Variants in RBMS3 observed in about 807,000 individuals in gnomAD.
RBMS3 encodes the protein RNA binding motif single stranded interacting protein 3, also known as RNA-binding motif, single-stranded-interacting protein 3.
A neutral mutation model predicts 66.8 loss-of-function variants in RBMS3; 27 were observed. The observed-to-expected ratio is 0.40, with a 90% CI of 0.30 to 0.56. The LOEUF is 0.56. RBMS3 is among the 20% of genes least tolerant of loss of function. The probability of loss-of-function intolerance (pLI) is 0.40; values close to 1 mark genes in which losing one functional copy is unlikely to be tolerated. For synonymous variants in RBMS3, 188 were observed against 183.0 expected, an observed-to-expected ratio of 1.03 and a Z score of -0.22; for missense variants, 513 against 549.5, an observed-to-expected ratio of 0.93 and a Z score of 0.66.
At chr3:29,402,437 T>C (rs1010061402) in intron 1 of RBMS3, among the ~76,000 whole-genome samples, 8 of 152,028 alleles carry the variant, frequency 5.3e-5, no homozygotes, top group Non-Finnish European at 1.0e-4. Context: ...AAACATTTCT[T>C]GAATGAACAG....
chr3:29,936,016 A>T, intron 10 of RBMS3, 70 bp from the exon 11 acceptor site: 14 of 1,224,810 alleles, frequency 1.1e-5, no homozygotes, highest in Non-Finnish European at 1.6e-5. Context: ...TACAATTTAC[A>T]GTGTTTATTT....
At chr3:29,313,515 A>G (rs1003797562) in intron 1 of RBMS3, among the ~76,000 whole-genome samples, 4 of 151,674 alleles carry the variant, frequency 2.6e-5, no homozygotes, top group African/African-American at 9.7e-5. Context: ...ACTGGAGTCT[A>G]TGGTGACATG....
intron 6 of RBMS3, among the ~76,000 whole-genome samples, chr3:29,853,979 G>A (rs564800735): frequency 2.0e-5 from 3 of 152,286 alleles, no homozygotes; most frequent in African/African-American, 7.2e-5. Flanking sequence ...AGACACTTAT[G>A]AGTCACTCCT....
intron 1 of RBMS3, among the ~76,000 whole-genome samples, chr3:29,405,027 C>T (rs1038519988): frequency 5.3e-5 from 8 of 152,044 alleles, no homozygotes; most frequent in African/African-American, 1.9e-4. Flanking sequence ...TTAAAAACCA[C>T]AATAACCATG....
At chr3:29,818,679 C>A (rs1175746106) in intron 6 of RBMS3, among the ~76,000 whole-genome samples, 1 of 152,102 alleles carries the variant, frequency 6.6e-6, no homozygotes, top group Non-Finnish European at 1.5e-5. Flanking sequence ...ATTTATTAGT[C>A]AACCAACATA....
intron 12 of RBMS3, among the ~76,000 whole-genome samples, chr3:29,979,726 G>A (rs1324088271): frequency 6.6e-6 from 1 of 152,110 alleles, no homozygotes; most frequent in East Asian, 1.9e-4. Flanking sequence ...TGAGAATGAT[G>A]GTTTCCAGCT....
At chr3:29,596,948 T>C (rs910097868) in intron 4 of RBMS3, among the ~76,000 whole-genome samples, 2 of 152,202 alleles carry the variant, frequency 1.3e-5, no homozygotes, top group Non-Finnish European at 2.9e-5. Flanking sequence ...TTTAATTCAC[T>C]ATCCTAATGA....
At chr3:29,480,666 G>T (rs1366046940) in intron 2 of RBMS3, among the ~76,000 whole-genome samples, 1 of 152,154 alleles carries the variant, frequency 6.6e-6, no homozygotes, top group Non-Finnish European at 1.5e-5. Context: ...GCAGAAACTG[G>T]ATAATACAAA....
At chr3:29,524,779 T>C (rs1576114008) in intron 3 of RBMS3, among the ~76,000 whole-genome samples, 1 of 151,598 alleles carries the variant, frequency 6.6e-6, no homozygotes, top group Non-Finnish European at 1.5e-5. Context: ...AGAGGCTGGG[T>C]GTGGTGGTTA....
At chr3:29,758,710 A>G (rs2055532839) in intron 5 of RBMS3, among the ~76,000 whole-genome samples, 1 of 152,192 alleles carries the variant, frequency 6.6e-6, no homozygotes, top group African/African-American at 2.4e-5. Flanking sequence ...GGAACTCACT[A>G]TTTTATTCCT....
Position 29,434,786 on chromosome 3 carries a change from C to T in RBMS3, c.119C>T (p.Pro40Leu), listed in dbSNP as rs373300306. The T allele has an allele frequency of 1.2e-4, 188 of 1,613,964 alleles. No individual in the cohort carries two copies. The highest frequency in any genetic ancestry group is 3.3e-4 in the Admixed American group (20 of 59,992). Residue 40 changes from proline (P) to leucine (L), a missense_variant, in exon 2 of 15, where the codon CCC (proline) becomes CTC (leucine). Physicochemically the swap from Pro to Leu is moderately conservative, Grantham distance 98 (BLOSUM62 -3). Transcript: ENST00000383767. ...PAPHPMAPPS[P>L]STNSSSNNSS... ...CCCCACCCCATGGCTCCTCCCAGCCCCAGCACAAACAGCAGCAGCAACAAC... is the reference window on the plus strand; with the variant it reads ...CCCCACCCCATGGCTCCTCCCAGCCTCAGCACAAACAGCAGCAGCAACAAC...
chr3:29,327,681 G>T (rs2035419192), intron 1 of RBMS3, among the ~76,000 whole-genome samples: 1 of 152,186 alleles, frequency 6.6e-6, no homozygotes, highest in African/African-American at 2.4e-5. Flanking sequence ...GTGTGTTCTT[G>T]TGTATTGCAC....
intron 5 of RBMS3, among the ~76,000 whole-genome samples, chr3:29,756,589 C>T (rs1244022422): frequency 2.0e-5 from 3 of 151,970 alleles, no homozygotes; most frequent in Admixed American, 6.6e-5. Context: ...CCCCATGATT[C>T]GATTACCTGC....
At chr3:29,297,078 C>G (rs531053916) in intron 1 of RBMS3, among the ~76,000 whole-genome samples, 1 of 151,784 alleles carries the variant, frequency 6.6e-6, no homozygotes, top group African/African-American at 2.4e-5. Flanking sequence ...GGTGAAAGGA[C>G]TCTGAGTGTG....
intron 1 of RBMS3, among the ~76,000 whole-genome samples, chr3:29,431,646 T>C (rs999804346): frequency 6.6e-6 from 1 of 152,152 alleles, no homozygotes; most frequent in Non-Finnish European, 1.5e-5. Context: ...GCTCCTGTCA[T>C]GTCTATTCTT....
chr3:29,533,850 T>C (rs2045455209), intron 3 of RBMS3, among the ~76,000 whole-genome samples: 1 of 152,180 alleles, frequency 6.6e-6, no homozygotes, highest in Non-Finnish European at 1.5e-5. Flanking sequence ...TTTAAGAAAA[T>C]CTATTTCTAA....
chr3:29,783,864 C>T (rs575048102), intron 6 of RBMS3, among the ~76,000 whole-genome samples: 11 of 152,112 alleles, frequency 7.2e-5, no homozygotes, highest in Non-Finnish European at 1.3e-4. Context: ...ATGTTCCATG[C>T]AAATGGACAC....
chr3:29,762,530 A>G (rs1174133980), intron 5 of RBMS3, among the ~76,000 whole-genome samples: 1 of 152,116 alleles, frequency 6.6e-6, no homozygotes, highest in Non-Finnish European at 1.5e-5. Flanking sequence ...AGCCTCAGTG[A>G]CCTTATTGAT....
rs141082035 is a variant in RBMS3 at position 29,940,782 on chromosome 3, T to A, written c.1051-3425T>A. On this transcript the variant is annotated intron_variant, in intron 11 of 14. Coordinates refer to ENST00000383767, the MANE Select transcript of RBMS3 (RefSeq NM_001003793.3). Reference sequence around the variant, plus strand: ...TCAAAAAAAAAAAAAGTGCATCTTATGCAAGCAGTGTAACTGTTTTATTTC... The same window carrying A: ...TCAAAAAAAAAAAAAGTGCATCTTAAGCAAGCAGTGTAACTGTTTTATTTC... Among the ~76,000 whole-genome samples, 89 of 151,610 alleles carry A rather than the reference T, an allele frequency of 5.9e-4. 1 individual carries two copies. Among genetic ancestry groups the A allele is most frequent in the African/African-American group, 2.1e-3 (85 of 41,434 alleles).
Sources: allele counts gnomAD v4.1 joint callset (sites outside exome capture counted in the v4.1 genomes callset), GRCh38; gene constraint gnomAD v4.1.1; transcripts MANE v1.5; gene names NCBI Gene and HGNC (gene_info 2026-07-23, HGNC 2026-07-21).